STK31: variants seen among roughly 807,000 people sequenced by gnomAD.
The protein encoded by STK31 is serine/threonine kinase 31.
Under a neutral mutation model 129.7 loss-of-function variants are expected in STK31, and 89 were observed. The ratio of observed to expected loss-of-function variants is 0.69; its 90% CI spans 0.58 to 0.82. STK31 has a LOEUF of 0.82. STK31 is among the 40% of genes least tolerant of loss of function. The probability of loss-of-function intolerance (pLI) is 0.00; values close to 1 mark genes in which losing one functional copy is unlikely to be tolerated. For synonymous variants in STK31, 448 were observed against 395.3 expected (o/e 1.13, Z -1.58); for missense variants, 1,187 against 1,176.4 (o/e 1.01, Z -0.13).
chr7:23,821,767 AG>A (rs1793798187), intron 23 of STK31, among the ~76,000 whole-genome samples: 1 of 152,134 alleles, frequency 6.6e-6, no homozygotes, highest in South Asian at 2.1e-4. Context: ...GTTTTCTTCT[AG>A]TATTTTTATA....
Position 23,762,823 on chromosome 7 carries a change from C to T in STK31, c.1316C>T (p.Ala439Val), listed in dbSNP as rs1238430349. The T allele has an allele frequency of 4.4e-6, 7 of 1,607,680 alleles. No individual in the cohort carries two copies. Among genetic ancestry groups the T allele is most frequent in the East Asian group, 4.5e-5 (2 of 44,406 alleles). ...CAGAGTGAAGGGAATATTTTGATTG[C>T]CCAAAGAAATGAAATGCAGCAGAAG... ...EYVSEGNILI[A>V]QRNEMQQKLY... is the part of the protein sequence containing the mutation. The change falls in exon 11 of 24, where the codon GCC (alanine) becomes GTC (valine). Residue 439 changes from alanine to valine, a missense_variant. Ala to Val is a moderately conservative substitution (Grantham distance 64). This residue lies in a region of STK31 where 975 missense variants were observed against 934.9 expected (regional missense o/e 1.04). Transcript: ENST00000355870.
intron 22 of STK31, among the ~76,000 whole-genome samples, chr7:23,798,157 A>G (rs1434843964): frequency 6.6e-6 from 1 of 152,214 alleles, no homozygotes; most frequent in Non-Finnish European, 1.5e-5. Context: ...ACACAGTCGA[A>G]TTCCACCAGA....
At chr7:23,744,848 A>G (rs1788253701) in intron 8 of STK31, among the ~76,000 whole-genome samples, 1 of 152,030 alleles carries the variant, frequency 6.6e-6, no homozygotes, top group African/African-American at 2.4e-5. Flanking sequence ...CAGGCCAAGT[A>G]TGCTTGTCCT....
chr7:23,820,516 A>G (rs1793732248), intron 23 of STK31, among the ~76,000 whole-genome samples: 1 of 152,144 alleles, frequency 6.6e-6, no homozygotes, highest in Admixed American at 6.5e-5. Flanking sequence ...TATTATTTCT[A>G]TGTTTTGGGA....
In STK31 at chr7:23,829,213, A is replaced by G. The variant is rs143706237; in HGVS notation, c.2830-2923A>G. Among the ~76,000 whole-genome samples the G allele has an allele frequency of 6.8e-4, 104 of 152,130 alleles. No homozygotes were observed. The East Asian group carries it at 0.016, about 23-fold the overall frequency. On this transcript the variant is annotated intron_variant, in intron 23 of 23. Transcript: ENST00000355870. ...GGCGTGAGCCACTGTGTCTCACTAGAGGATTGCTTTTCTTTTCCCCATTTA... is the reference window on the plus strand; with the variant it reads ...GGCGTGAGCCACTGTGTCTCACTAGGGGATTGCTTTTCTTTTCCCCATTTA...
intron 2 of STK31, 24 bp from the exon 3 acceptor site, chr7:23,712,210 C>T: frequency 6.2e-7 from 1 of 1,613,934 alleles, no homozygotes; most frequent in Non-Finnish European, 8.5e-7. Flanking sequence ...TTCTAATTTT[C>T]CTTGTATTGT....
At chr7:23,767,339 T>G (rs537505672) in intron 11 of STK31, among the ~76,000 whole-genome samples, 28 of 152,230 alleles carry the variant, frequency 1.8e-4, no homozygotes, top group Non-Finnish European at 3.4e-4. Flanking sequence ...TGTGTAGTTA[T>G]ATGAAGGGCC....
In STK31 at chr7:23,787,777, CACACAA is replaced by C. The variant is rs1290065217; in HGVS notation, c.2488-197_2488-192del. Among the ~76,000 whole-genome samples the C allele has an allele frequency of 3.0e-3, 451 of 147,982 alleles. 3 individuals carry two copies. The highest frequency in any genetic ancestry group is 0.011 in the African/African-American group (432 of 39,060). On this transcript the variant is annotated intron_variant, in intron 20 of 23. Coordinates refer to ENST00000355870, the MANE Select transcript of STK31 (RefSeq NM_031414.5). ...ACACACACACACACACACACACACACACACAAACACACACAGGCACACATGGTATCA... is the reference window on the plus strand; with the variant it reads ...ACACACACACACACACACACACACACACACACACAGGCACACATGGTATCA...
In STK31 at chr7:23,727,241, A is replaced by G. The variant is rs1432112511; in HGVS notation, c.250A>G (p.Ile84Val). Residue 84 changes from isoleucine (I) to valine (V), a missense_variant and splice_region_variant, in exon 5 of 24, where the codon ATT becomes GTT. Transcript: ENST00000355870. ...ATTTTGCTTTCTTTTCTCTTTGTAG[A>G]TTTATGGTGGATTATTTTCTGAAGA... ...SVLGNLDPNK[I>V]YGGLFSEDQC... The G allele has an allele frequency of 5.0e-6, 8 of 1,613,202 alleles. No homozygotes were observed. The highest frequency in any genetic ancestry group is 5.9e-6 in the Non-Finnish European group (7 of 1,179,596).
intron 23 of STK31, among the ~76,000 whole-genome samples, chr7:23,825,979 A>C (rs865813511): frequency 1.3e-3 from 197 of 151,990 alleles, no homozygotes; most frequent in Middle Eastern, 0.01. Flanking sequence ...GTTATAATTT[A>C]TGTTCTTTTA....
Position 23,768,983 on chromosome 7 carries a change from A to C in STK31, c.1417-12A>C. 6.4e-7 allele frequency: 1 copy of C among 1,572,440 alleles called. No homozygotes were observed. The highest frequency in any genetic ancestry group is 8.6e-7 in the Non-Finnish European group (1 of 1,162,224). ...AATAAACTTTAATAAACAGAAGTAT[A>C]TCTCTCTGCAGGATTTGTCAGTCTC... is the stretch of plus-strand genomic sequence containing the variant. On this transcript the variant is annotated splice_polypyrimidine_tract_variant and intron_variant, in intron 11 of 23. Coordinates refer to ENST00000355870, the MANE Select transcript of STK31 (RefSeq NM_031414.5).
At chr7:23,719,800 G>A (rs936063460) in intron 4 of STK31, among the ~76,000 whole-genome samples, 2 of 152,162 alleles carry the variant, frequency 1.3e-5, no homozygotes, top group African/African-American at 4.8e-5. Context: ...TGGAATTATT[G>A]GAGCTGAGAT....
intron 23 of STK31, among the ~76,000 whole-genome samples, chr7:23,826,544 C>G (rs939785552): frequency 6.6e-6 from 1 of 152,146 alleles, no homozygotes; most frequent in African/African-American, 2.4e-5. Flanking sequence ...GGTCTTGACT[C>G]TTTATCCAGT....
chr7:23,755,632 G>T (rs1311943082), intron 10 of STK31, among the ~76,000 whole-genome samples: 2 of 152,122 alleles, frequency 1.3e-5, no homozygotes, highest in Non-Finnish European at 2.9e-5. Context: ...TATAGTTTTA[G>T]GTTTTACATT....
At chr7:23,722,994 C>G (rs1409242115) in intron 4 of STK31, 1 of 152,256 alleles carries the variant, frequency 6.6e-6, no homozygotes, top group Non-Finnish European at 1.5e-5. Context: ...CATGGCTTCC[C>G]TTTGCTAGGA....
chr7:23,826,685 T>C (rs1018929647), intron 23 of STK31, among the ~76,000 whole-genome samples: 2 of 152,208 alleles, frequency 1.3e-5, no homozygotes, highest in Non-Finnish European at 2.9e-5. Context: ...TGCAGTTTCT[T>C]CCTAGCCTTG....
intron 4 of STK31, among the ~76,000 whole-genome samples, chr7:23,719,699 C>T (rs1786571635): frequency 6.6e-6 from 1 of 152,108 alleles, no homozygotes; most frequent in Admixed American, 6.5e-5. Context: ...AGATACCTTC[C>T]ATGAAAGTAT....
At chr7:23,791,013 A>G (rs1428822590) in intron 22 of STK31, 67 bp downstream of exon 22, 27 of 1,228,168 alleles carry the variant, frequency 2.2e-5, no homozygotes, top group Admixed American at 3.6e-5. Context: ...TGATGATTTT[A>G]TAGTGATTCT....
At chr7:23,801,848 T>C (rs2128120971) in intron 22 of STK31, among the ~76,000 whole-genome samples, 1 of 152,250 alleles carries the variant, frequency 6.6e-6, no homozygotes, top group South Asian at 2.1e-4. Flanking sequence ...AAATCGGCCA[T>C]TTTTGTGTGA....
Sources: gnomAD v4.1 joint callset for allele counts (sites outside exome capture counted in the v4.1 genomes callset) on GRCh38, gnomAD v4.1.1 for gene constraint, gnomAD v4.1.1 regional missense constraint, MANE v1.5 for transcripts, NCBI Gene and HGNC (gene_info 2026-07-23, HGNC 2026-07-21) for gene names.